The following ANKH variants were observed in gnomAD, a reference collection of about 807,000 sequenced individuals.
ANKH encodes mineralization regulator ANKH.
ANKH carries 15 observed loss-of-function variants against 49.0 expected under a neutral mutation model. The observed-to-expected ratio is 0.31, with a 90% CI of 0.20 to 0.47. The LOEUF is 0.47. Ranked by LOEUF, ANKH falls within the 20% of genes least tolerant of loss-of-function variation. The pLI is 1.00. For synonymous variants in ANKH, 273 were observed against 260.0 expected, an observed-to-expected ratio of 1.05 and a Z score of -0.48; for missense variants, 429 against 652.0, an observed-to-expected ratio of 0.66 and a Z score of 3.72.
intron 1 of ANKH, among the ~76,000 whole-genome samples, chr5:14,851,330 T>C (rs1017848119): frequency 1.3e-5 from 2 of 152,232 alleles, no homozygotes; most frequent in African/African-American, 4.8e-5. Flanking sequence ...AGAGAAGCTC[T>C]GCACAGAAGT....
At chr5:14,734,356 T>C (rs1225137550) in intron 8 of ANKH, among the ~76,000 whole-genome samples, 3 of 152,096 alleles carry the variant, frequency 2.0e-5, no homozygotes, top group Non-Finnish European at 4.4e-5. Context: ...GCCACGTGCG[T>C]CAGGGATAAG....
intron 1 of ANKH, among the ~76,000 whole-genome samples, chr5:14,821,348 T>C (rs1033682781): frequency 6.6e-6 from 1 of 152,166 alleles, no homozygotes; most frequent in Non-Finnish European, 1.5e-5. Flanking sequence ...ACCGTTTAAA[T>C]TGGCCAGGAA....
chr5:14,805,861 C>T (rs1018414971), intron 1 of ANKH, among the ~76,000 whole-genome samples: 1 of 152,120 alleles, frequency 6.6e-6, no homozygotes, highest in Non-Finnish European at 1.5e-5. Context: ...TCGATAAAGC[C>T]GGACTCCTGG....
At chr5:14,714,409 G>A (rs1024884135) in intron 9 of ANKH, among the ~76,000 whole-genome samples, 4 of 152,238 alleles carry the variant, frequency 2.6e-5, no homozygotes, top group African/African-American at 9.6e-5. Flanking sequence ...ATCTGAAACT[G>A]GAAAGGCTTG....
At chr5:14,842,006 G>A (rs1580110472) in intron 1 of ANKH, among the ~76,000 whole-genome samples, 1 of 151,984 alleles carries the variant, frequency 6.6e-6, no homozygotes, top group Non-Finnish European at 1.5e-5. Flanking sequence ...AAAAGGATTC[G>A]TTCTTTACAA....
At chr5:14,755,360 T>A (rs1738852841) in intron 4 of ANKH, among the ~76,000 whole-genome samples, 1 of 152,328 alleles carries the variant, frequency 6.6e-6, no homozygotes, top group South Asian at 2.1e-4. Context: ...ATCCACTTCC[T>A]GGTTCCTTCT....
At position 14,745,856 on chromosome 5, in the gene ANKH, G is replaced by T. The variant is rs140045509; in HGVS notation, c.915+14C>A. 1 of 1,612,794 alleles carries T rather than the reference G, an allele frequency of 6.2e-7. No individual in the cohort carries two copies. Among genetic ancestry groups the T allele is most frequent in the South Asian group, 1.1e-5 (1 of 91,046 alleles). ...AAAAGCATGTTTCAGACACGACACC[G>T]CACGGGTTCTCACCTTGTCGAAAGC... On this transcript the variant is annotated intron_variant, in intron 7 of 11. Transcript: ENST00000284268. This position sits in a 1 kb window ranked among gnomAD's most constrained non-coding sequence, Gnocchi z 4.7.
chr5:14,736,006 CTT>C (rs540010631), intron 8 of ANKH, among the ~76,000 whole-genome samples: 3,520 of 83,164 alleles, frequency 0.042, 82 homozygotes, highest in African/African-American at 0.08. Flanking sequence ...AAAAACCTAA[CTT>C]TTTTTTTTTT....
intron 8 of ANKH, among the ~76,000 whole-genome samples, chr5:14,717,745 C>T (rs1043155834): frequency 1.3e-5 from 2 of 152,090 alleles, no homozygotes; most frequent in African/African-American, 2.4e-5. Context: ...TGCTTGGGAC[C>T]AAAAGTGTTT....
intron 1 of ANKH, chr5:14,797,003 G>A (rs555623889): frequency 1.8e-5 from 20 of 1,130,102 alleles, no homozygotes; most frequent in Non-Finnish European, 2.2e-5. Flanking sequence ...TAGCATTATC[G>A]GTGGTACCTA....
chr5:14,736,181 C>T (rs1318046529), intron 8 of ANKH, among the ~76,000 whole-genome samples: 1 of 152,142 alleles, frequency 6.6e-6, no homozygotes, highest in African/African-American at 2.4e-5. Flanking sequence ...ACAGCAACAC[C>T]TCCCTACCCC....
rs768427165 is a variant in ANKH, at chr5:14,712,877, C to T, written c.1362G>A (p.Lys454=). Residue 454 remains lysine (K), a synonymous_variant, in exon 11 of 12, where the codon AAG becomes AAA. Transcript: ENST00000284268. Reference sequence around the variant, plus strand: ...GCTCCCGGCGCGGCTGTCTCACCTGCTTCCGGTAGACATAGCACGCAGCGA... The same window carrying T: ...GCTCCCGGCGCGGCTGTCTCACCTGTTTCCGGTAGACATAGCACGCAGCGA... ...VAIAACYVYR[K]QKKKMENESA... is the part of the protein sequence containing the mutation. 2 of 1,608,486 alleles carry T rather than the reference C, an allele frequency of 1.2e-6. No homozygotes were observed. Among genetic ancestry groups the T allele is most frequent in the Non-Finnish European group, 1.7e-6 (2 of 1,177,916 alleles).
At chr5:14,761,284 T>C (rs1005430448) in intron 2 of ANKH, among the ~76,000 whole-genome samples, 12 of 152,178 alleles carry the variant, frequency 7.9e-5, no homozygotes, top group African/African-American at 2.9e-4. Flanking sequence ...CCACCTGGTT[T>C]GTGATACTTT....
In ANKH at chr5:14,745,856, G is replaced by C; in HGVS notation, c.915+14C>G. The C allele has an allele frequency of 6.2e-7, 1 of 1,612,800 alleles. No individual in the cohort carries two copies. The highest frequency in any genetic ancestry group is 8.5e-7 in the Non-Finnish European group (1 of 1,178,820). The stretch of plus-strand genomic sequence containing the variant: ...AAAAGCATGTTTCAGACACGACACC[G>C]CACGGGTTCTCACCTTGTCGAAAGC... On this transcript the variant is annotated intron_variant, in intron 7 of 11. Transcript: ENST00000284268. This position sits in a 1 kb window ranked among gnomAD's most constrained non-coding sequence, Gnocchi z 4.7.
chr5:14,795,218 C>G (rs1267477489), intron 1 of ANKH, among the ~76,000 whole-genome samples: 1 of 152,150 alleles, frequency 6.6e-6, no homozygotes, highest in Non-Finnish European at 1.5e-5. Context: ...GCCATTACCA[C>G]CAGCCATGAA....
chr5:14,856,075 G>A (rs777286366), intron 1 of ANKH, among the ~76,000 whole-genome samples: 7 of 151,810 alleles, frequency 4.6e-5, no homozygotes, highest in Admixed American at 6.6e-5. Context: ...CAGCACTTTC[G>A]GAAGCCAAAG....
At chr5:14,724,636 C>T (rs886211136) in intron 8 of ANKH, 6 of 962,982 alleles carry the variant, frequency 6.2e-6, no homozygotes, top group Middle Eastern at 5.3e-4. Context: ...GACCTGCTTC[C>T]TCACTTGCAG....
intron 1 of ANKH, among the ~76,000 whole-genome samples, chr5:14,833,631 T>C (rs1395693906): frequency 3.3e-5 from 5 of 152,184 alleles, no homozygotes; most frequent in Non-Finnish European, 7.4e-5. Context: ...CAAAGACAAG[T>C]AGTGATATCT....
intron 2 of ANKH, among the ~76,000 whole-genome samples, chr5:14,766,715 A>G (rs905611696): frequency 6.6e-6 from 1 of 152,216 alleles, no homozygotes. Flanking sequence ...TTATATTCCC[A>G]CTCTGTGAAT....
Sources: gnomAD v4.1 joint callset for allele counts (sites outside exome capture counted in the v4.1 genomes callset) on GRCh38, gnomAD v4.1.1 for gene constraint, Gnocchi (gnomAD v3.1) non-coding constraint, MANE v1.5 for transcripts, NCBI Gene and HGNC (gene_info 2026-07-23, HGNC 2026-07-21) for gene names.